DTWD1: variants seen among roughly 807,000 people sequenced by gnomAD.
DTWD1 encodes the protein DTW motif tRNA-uridine aminocarboxypropyltransferase 1.
A neutral mutation model predicts 30.2 loss-of-function variants in DTWD1; 27 were observed. The observed-to-expected ratio is 0.90, with a 90% confidence interval of 0.66 to 1.23. DTWD1 has a LOEUF of 1.23. DTWD1 is among the 50% of genes most tolerant of loss of function. DTWD1 has a pLI of 0.00. For missense variants in DTWD1, 342 were observed against 348.8 expected (o/e 0.98, Z 0.15); for synonymous variants, 99 against 113.1 (o/e 0.88, Z 0.79).
In DTWD1 at chr15:49,627,802, G is replaced by A. The variant is rs2078863501; in HGVS notation, c.264+2371G>A. 2.0e-5 allele frequency among the ~76,000 whole-genome samples: 3 copies of A among 152,144 alleles called. No homozygotes were observed. The South Asian group carries it at 6.2e-4, about 32-fold the overall frequency. On this transcript the variant is annotated intron_variant, in intron 2 of 4. Coordinates refer to ENST00000403028, the MANE Select transcript of DTWD1 (RefSeq NM_001144955.2). ...TGCAGGACTGGAAGTTTTTCTTGGT[G>A]AGTCAGTGGTGACTTGTGAGTGAAT...
At chr15:49,632,942 A>C (rs2078942565) in intron 3 of DTWD1, among the ~76,000 whole-genome samples, 1 of 151,730 alleles carries the variant, frequency 6.6e-6, no homozygotes, top group Admixed American at 6.6e-5. Context: ...GGTCTCTTGG[A>C]GGCCATTTGT....
At position 49,655,502 on chromosome 15, in the gene DTWD1, T is replaced by C. The variant is rs770746393; in HGVS notation, c.*11924T>C. The C allele has an allele frequency of 3.3e-5, 5 of 151,984 alleles. No homozygotes were observed. The highest frequency in any genetic ancestry group is 7.4e-5 in the Non-Finnish European group (5 of 67,960). 9.4% of individuals were successfully genotyped at this position (151,984 alleles called of 1,614,324 possible). A position where few individuals can be genotyped will look rare whatever the true frequency, so the allele number is the denominator to read the frequency against. On this transcript the variant is annotated 3_prime_UTR_variant, in exon 5 of 5. Coordinates refer to ENST00000403028, the MANE Select transcript of DTWD1 (RefSeq NM_001144955.2). Reference sequence around the variant, plus strand: ...ATCAATGCAATTTTCTTTAAAACTCTGTGAGCCTTTATATCAGATTAGTCC... The same window carrying C: ...ATCAATGCAATTTTCTTTAAAACTCCGTGAGCCTTTATATCAGATTAGTCC...
chr15:49,636,030 A>T (rs2078997749), intron 4 of DTWD1, among the ~76,000 whole-genome samples: 2 of 152,088 alleles, frequency 1.3e-5, no homozygotes, highest in Non-Finnish European at 2.9e-5. Context: ...CTAATCAATG[A>T]TCTATATCTA....
chr15:49,624,545 T>G (rs1044106287), intron 1 of DTWD1, among the ~76,000 whole-genome samples: 1 of 152,236 alleles, frequency 6.6e-6, no homozygotes, highest in African/African-American at 2.4e-5. Context: ...TTTTAAAATT[T>G]ATAGGATAAT....
intron 2 of DTWD1, among the ~76,000 whole-genome samples, chr15:49,629,423 C>T (rs1046469096): frequency 2.6e-5 from 4 of 151,798 alleles, no homozygotes; most frequent in Non-Finnish European, 5.9e-5. Flanking sequence ...TAAATGATAC[C>T]CTCCAAGATA....
Position 49,645,018 on chromosome 15 carries a change from G to A in DTWD1, c.*1440G>A, listed in dbSNP as rs1295920721. 6.6e-6 allele frequency: 1 copy of A among 152,110 alleles called. No homozygotes were observed. The highest frequency in any genetic ancestry group is 1.5e-5 in the Non-Finnish European group (1 of 68,022). The allele number at this position is 152,110 out of a possible 1,614,324, so 9.4% of individuals were successfully genotyped here. On this transcript the variant is annotated 3_prime_UTR_variant, in exon 5 of 5. Coordinates refer to ENST00000403028, the MANE Select transcript of DTWD1 (RefSeq NM_001144955.2). ...AGTGGGACACATGATGTTTTATGGG[G>A]GAAAGAGTTCTTGGTGAAATTAGTT...
At chr15:49,631,180 A>G (rs2078915677) in intron 2 of DTWD1, 1 of 163,500 alleles carries the variant, frequency 6.1e-6, no homozygotes, top group Non-Finnish European at 1.3e-5. Flanking sequence ...GTCTGTGGAA[A>G]AATTGTCTTC....
In DTWD1 at chr15:49,644,775, T is replaced by A. The variant is rs567839922; in HGVS notation, c.*1197T>A. The A allele has an allele frequency of 2.0e-5, 3 of 152,292 alleles. No homozygotes were observed. Among genetic ancestry groups the A allele is most frequent in the African/African-American group, 7.2e-5 (3 of 41,564 alleles). 9.4% of individuals were successfully genotyped at this position (152,292 alleles called of 1,614,324 possible). A position where few individuals can be genotyped will look rare whatever the true frequency, so the allele number is the denominator to read the frequency against. On this transcript the variant is annotated 3_prime_UTR_variant, in exon 5 of 5. Transcript: ENST00000403028. ...CTCCCTCCCTTTACCCCTTTTCACT[T>A]AGGGTTGGTAATAGCTTACAGTTAT...
intron 4 of DTWD1, among the ~76,000 whole-genome samples, chr15:49,636,000 C>T (rs981202654): frequency 2.0e-5 from 3 of 152,084 alleles, no homozygotes; most frequent in Non-Finnish European, 4.4e-5. Flanking sequence ...AGCACACTTC[C>T]ACACTCTCCA....
chr15:49,639,874 C>G (rs1050036458), intron 4 of DTWD1, among the ~76,000 whole-genome samples: 1 of 152,162 alleles, frequency 6.6e-6, no homozygotes, highest in Admixed American at 6.5e-5. Context: ...TGGGACATGA[C>G]TTCAAGCTCC....
Position 49,625,343 on chromosome 15 carries a change from T to G in DTWD1, c.176T>G (p.Leu59Arg). 3 of 1,613,716 alleles carry G rather than the reference T, an allele frequency of 1.9e-6. No homozygotes were observed. The highest frequency in any genetic ancestry group is 2.5e-6 in the Non-Finnish European group (3 of 1,179,794). Residue 59 changes from leucine to arginine, a missense_variant, in exon 2 of 5, where the codon CTC (leucine) becomes CGC (arginine). Physicochemically the swap from Leu to Arg is moderately radical, Grantham distance 102 (BLOSUM62 -2). Coordinates refer to ENST00000403028, the MANE Select transcript of DTWD1 (RefSeq NM_001144955.2). ...CAGCAAAGTGGGAGATCAAAATGTC[T>G]CAAATGTGGTGGTTCCAGAATGTTC... ...KAQQSGRSKC[L>R]KCGGSRMFYC...
chr15:49,630,037 A>G (rs539217859), intron 2 of DTWD1: 1 of 152,296 alleles, frequency 6.6e-6, no homozygotes, highest in Admixed American at 6.5e-5. Flanking sequence ...ACACACACAC[A>G]CACAACATGG....
rs761559653 is a variant in DTWD1, at chr15:49,643,357, A to C, written c.694A>C (p.Arg232=). 5.4e-5 allele frequency: 85 copies of C among 1,560,114 alleles called. No individual in the cohort carries two copies. Among genetic ancestry groups the C allele is most frequent in the Non-Finnish European group, 7.1e-5 (83 of 1,162,860 alleles). ...QGLLQVELKT[R]KTCFWRHQKG... ...GTTGTTACAAGTTGAGTTGAAAACA[A>C]GAAAAACTTGCTTTTGGCGCCATCA... The change falls in exon 5 of 5, where the codon AGA becomes CGA. Residue 232 remains arginine (R), a synonymous_variant. Transcript: ENST00000403028.
At chr15:49,631,172 CTG>C (rs1252003307) in intron 2 of DTWD1, 27 of 165,000 alleles carry the variant, frequency 1.6e-4, no homozygotes, top group Non-Finnish European at 9.3e-5. Flanking sequence ...AAACCCTGGT[CTG>C]TGGAAAAATT....
At chr15:49,634,927 C>A (rs2078981460) in intron 4 of DTWD1, 133 bp downstream of exon 4, 21 of 783,930 alleles carry the variant, frequency 2.7e-5, no homozygotes, top group Middle Eastern at 3.4e-4. Flanking sequence ...TTATTTCTCT[C>A]TTTTTATTAT....
chr15:49,634,440 A>ATCT (rs2078973469), intron 3 of DTWD1, 96 bp from the exon 4 acceptor site: 23 of 1,354,110 alleles, frequency 1.7e-5, no homozygotes, highest in Non-Finnish European at 2.2e-5. Flanking sequence ...TTTCTCAGAT[A>ATCT]TTCAACATAT....
chr15:49,624,673 T>C (rs2078815985), intron 1 of DTWD1, among the ~76,000 whole-genome samples: 1 of 152,178 alleles, frequency 6.6e-6, no homozygotes, highest in African/African-American at 2.4e-5. Context: ...CACTCACACA[T>C]ATGTAGTGTG....
Position 49,637,445 on chromosome 15 carries a change from G to C in DTWD1, c.667+2651G>C, listed in dbSNP as rs570625093. Among the ~76,000 whole-genome samples the C allele has an allele frequency of 1.4e-4, 21 of 152,200 alleles. No homozygotes were observed. In the South Asian group the frequency reaches 4.4e-3, roughly 32 times the overall value. ...CTATAGTTTCTTTTAATAGGAAATG[G>C]TATTAGAAACTAAGATCTGGTAAAT... On this transcript the variant is annotated intron_variant, in intron 4 of 4. Coordinates refer to ENST00000403028, the MANE Select transcript of DTWD1 (RefSeq NM_001144955.2).
At chr15:49,631,916 G>A in intron 2 of DTWD1, 2 of 460,452 alleles carry the variant, frequency 4.3e-6, no homozygotes, top group Non-Finnish European at 7.8e-6. Flanking sequence ...TGCTTTAAGA[G>A]AAGATTCTCT....
Sources: gnomAD v4.1 joint callset for allele counts (sites outside exome capture counted in the v4.1 genomes callset) on GRCh38, gnomAD v4.1.1 for gene constraint, MANE v1.5 for transcripts, NCBI Gene and HGNC (gene_info 2026-07-23, HGNC 2026-07-21) for gene names.